Variants in ATG5 observed in about 807,000 individuals in gnomAD.
The protein encoded by ATG5 is autophagy related 5.
Under a neutral mutation model 36.5 loss-of-function variants are expected in ATG5, and 14 were observed. The ratio of observed to expected loss-of-function variants is 0.38; its 90% CI spans 0.25 to 0.60. ATG5 has a LOEUF of 0.60. Among genes scored for constraint, ATG5 ranks in the 20% least tolerant of loss-of-function variants. The probability of loss-of-function intolerance (pLI) is 0.60; values close to 1 mark genes in which losing one functional copy is unlikely to be tolerated. For missense variants in ATG5, 195 were observed against 326.7 expected (o/e 0.60, Z 3.11); for synonymous variants, 95 against 101.5 (o/e 0.94, Z 0.38).
chr6:106,266,555 A>C (rs888865594), intron 5 of ATG5, among the ~76,000 whole-genome samples: 2 of 152,220 alleles, frequency 1.3e-5, no homozygotes, highest in Non-Finnish European at 2.9e-5. Context: ...CAAAAAAAGA[A>C]AATTTCAGGC....
chr6:106,232,064 G>T (rs1419091408), intron 6 of ATG5, among the ~76,000 whole-genome samples: 2 of 152,192 alleles, frequency 1.3e-5, no homozygotes, highest in African/African-American at 4.8e-5. Context: ...GGGGACGTAG[G>T]TCCTCTGAGT....
In ATG5 at chr6:106,185,428, A is replaced by G. The variant is rs1775729695; in HGVS notation, c.*1112T>C. 6.6e-6 allele frequency: 1 copy of G among 152,646 alleles called. No homozygotes were observed. The highest frequency in any genetic ancestry group is 1.5e-5 in the Non-Finnish European group (1 of 68,022). The allele number at this position is 152,646 out of a possible 1,614,324, so 9.5% of individuals were successfully genotyped here. A position where few individuals can be genotyped will look rare whatever the true frequency, so the allele number is the denominator to read the frequency against. ...ACTGGTAAAATCCCAGAGGCTTGGTAATAAAGTGCAGCAAACTTTCCTTAT... is the reference window on the plus strand; with the variant it reads ...ACTGGTAAAATCCCAGAGGCTTGGTGATAAAGTGCAGCAAACTTTCCTTAT... On this transcript the variant is annotated 3_prime_UTR_variant, in exon 8 of 8. Coordinates refer to ENST00000369076, the MANE Select transcript of ATG5 (RefSeq NM_004849.4).
chr6:106,236,159 T>C (rs1383932668), intron 6 of ATG5, among the ~76,000 whole-genome samples: 1 of 152,274 alleles, frequency 6.6e-6, no homozygotes, highest in Non-Finnish European at 1.5e-5. Context: ...CATTTATCCA[T>C]ATTATTGCAT....
chr6:106,214,533 TAATTGATACTATGATTA>T (rs953029379), intron 6 of ATG5, among the ~76,000 whole-genome samples: 3 of 152,198 alleles, frequency 2.0e-5, no homozygotes, highest in African/African-American at 7.2e-5. Flanking sequence ...AGAAGTTTCT[TAATTGATACTATGATTA>T]AATAAAAGCA....
At chr6:106,273,800 T>A (rs565200568) in intron 5 of ATG5, among the ~76,000 whole-genome samples, 1 of 152,178 alleles carries the variant, frequency 6.6e-6, no homozygotes, top group Non-Finnish European at 1.5e-5. Context: ...CACCAGTCTA[T>A]ATCACACAAA....
intron 4 of ATG5, among the ~76,000 whole-genome samples, chr6:106,281,507 A>T (rs1263925442): frequency 2.6e-5 from 4 of 152,212 alleles, no homozygotes; most frequent in African/African-American, 9.6e-5. Context: ...CATATCAGTA[A>T]TTAATTCCTT....
chr6:106,304,664 G>A (rs1246309061), intron 3 of ATG5, among the ~76,000 whole-genome samples: 3 of 152,202 alleles, frequency 2.0e-5, no homozygotes, highest in Non-Finnish European at 2.9e-5. Flanking sequence ...ATTACTGTGA[G>A]TTGGGGGAAG....
intron 7 of ATG5, among the ~76,000 whole-genome samples, chr6:106,198,159 T>A (rs1046864390): frequency 2.6e-5 from 4 of 152,218 alleles, no homozygotes; most frequent in Non-Finnish European, 5.9e-5. Context: ...TCTGGGAATT[T>A]CTCAGAAGTT....
At chr6:106,241,397 A>G (rs920866401) in intron 6 of ATG5, among the ~76,000 whole-genome samples, 11 of 152,232 alleles carry the variant, frequency 7.2e-5, no homozygotes, top group African/African-American at 2.2e-4. Flanking sequence ...TGTTGGTGGG[A>G]ATGTAAAGTG....
chr6:106,260,842 T>A (rs1279313251), intron 5 of ATG5, among the ~76,000 whole-genome samples: 1 of 152,200 alleles, frequency 6.6e-6, no homozygotes, highest in African/African-American at 2.4e-5. Flanking sequence ...CCAGAATTCA[T>A]CACTATAGCC....
intron 6 of ATG5, among the ~76,000 whole-genome samples, chr6:106,210,669 A>G (rs954467326): frequency 6.6e-6 from 1 of 152,220 alleles, no homozygotes; most frequent in Non-Finnish European, 1.5e-5. Flanking sequence ...TTATGGTTCC[A>G]ATCCCAGCTC....
In ATG5 at chr6:106,186,483, A is replaced by AAT; in HGVS notation, c.*56_*57insAT. On this transcript the variant is annotated 3_prime_UTR_variant, in exon 8 of 8. Coordinates refer to ENST00000369076, the MANE Select transcript of ATG5 (RefSeq NM_004849.4). ...CAAACCTGATTGAAGCAAAAGGGTG[A>AAT]CATGCTCTGATAAATCCCATTTAAG... The AAT allele has an allele frequency of 1.9e-6, 3 of 1,592,046 alleles. No homozygotes were observed. Among genetic ancestry groups the AAT allele is most frequent in the Non-Finnish European group, 2.6e-6 (3 of 1,162,390 alleles).
At chr6:106,200,023 T>C (rs889524278) in intron 7 of ATG5, among the ~76,000 whole-genome samples, 6 of 152,222 alleles carry the variant, frequency 3.9e-5, no homozygotes, top group African/African-American at 9.6e-5. Context: ...CTTTCTGGCA[T>C]TGGTTCTGAC....
At chr6:106,298,197 G>C (rs1770049529) in intron 3 of ATG5, among the ~76,000 whole-genome samples, 1 of 151,926 alleles carries the variant, frequency 6.6e-6, no homozygotes, top group African/African-American at 2.4e-5. Flanking sequence ...CTGACCTCAT[G>C]ATCTGTCCGC....
rs543918822 is a variant in ATG5 at position 106,233,782 on chromosome 6, T to C, written c.573+14368A>G. On this transcript the variant is annotated intron_variant, in intron 6 of 7. Transcript: ENST00000369076. ...CGTAAATCCCCATGGCCCTCCCTTA[T>C]CATATTTTTCTCTTTACTGTTCTCT... 6.6e-5 allele frequency among the ~76,000 whole-genome samples: 10 copies of C among 152,244 alleles called. No homozygotes were observed. The South Asian group carries it at 1.0e-3, about 16-fold the overall frequency.
chr6:106,271,326 T>C (rs1779444205), intron 5 of ATG5, among the ~76,000 whole-genome samples: 1 of 152,078 alleles, frequency 6.6e-6, no homozygotes, highest in South Asian at 2.1e-4. Flanking sequence ...ATAGATAAAG[T>C]GGTGGGGCAT....
At chr6:106,267,177 C>G (rs574454584) in intron 5 of ATG5, among the ~76,000 whole-genome samples, 1 of 152,196 alleles carries the variant, frequency 6.6e-6, no homozygotes, top group Non-Finnish European at 1.5e-5. Flanking sequence ...GCAAAAATCA[C>G]AAGCATTCCT....
chr6:106,316,374 CA>C (rs370558728), intron 1 of ATG5, 108 bp from the exon 2 acceptor site: 42,324 of 299,176 alleles, frequency 0.14, 928 homozygotes, highest in Middle Eastern at 0.19. Context: ...TTATCCACTT[CA>C]AAAAAAAAAA....
chr6:106,307,164 T>C (rs1390932275), intron 3 of ATG5, among the ~76,000 whole-genome samples: 2 of 152,214 alleles, frequency 1.3e-5, no homozygotes, highest in Non-Finnish European at 2.9e-5. Context: ...TTGATTCACA[T>C]CAGCTGCATT....
Sources: allele counts gnomAD v4.1 joint callset (sites outside exome capture counted in the v4.1 genomes callset), GRCh38; gene constraint gnomAD v4.1.1; transcripts MANE v1.5; gene names NCBI Gene and HGNC (gene_info 2026-07-23, HGNC 2026-07-21).